The following CPNE2 variants were observed in gnomAD, a reference collection of about 807,000 sequenced individuals.
CPNE2 encodes copine 2, also known as copine-2.
CPNE2 carries 42 observed loss-of-function variants against 69.7 expected under a neutral mutation model. The ratio of observed to expected loss-of-function variants is 0.60; its 90% CI spans 0.47 to 0.78. CPNE2 has a LOEUF of 0.78. Among genes scored for constraint, CPNE2 ranks in the 30% least tolerant of loss-of-function variants. The pLI is 0.00. For missense variants in CPNE2, 587 were observed against 732.0 expected (o/e 0.80, Z 2.29); for synonymous variants, 294 against 289.8 (o/e 1.01, Z -0.15).
At chr16:57,129,256 T>C (rs1473687369) in intron 12 of CPNE2, 4 of 152,338 alleles carry the variant, frequency 2.6e-5, no homozygotes, top group Admixed American at 2.0e-4. Context: ...CATCAGCAGA[T>C]TGGCATTTCT....
intron 1 of CPNE2, among the ~76,000 whole-genome samples, chr16:57,098,215 G>A (rs1207836636): frequency 1.3e-5 from 2 of 152,216 alleles, no homozygotes; most frequent in South Asian, 2.1e-4. Context: ...CCCCAGGGGG[G>A]CCTCAGGGCC....
At chr16:57,131,915 C>T (rs2069841291) in intron 12 of CPNE2, among the ~76,000 whole-genome samples, 1 of 152,250 alleles carries the variant, frequency 6.6e-6, no homozygotes, top group African/African-American at 2.4e-5. Context: ...GAGCCATGCT[C>T]ACACTCACAT....
chr16:57,127,756 A>C, intron 11 of CPNE2, 93 bp from the exon 12 acceptor site: 1 of 1,236,048 alleles, frequency 8.1e-7, no homozygotes, highest in Non-Finnish European at 1.2e-6. Context: ...TGTCCTTGGA[A>C]GTGTATGAGG....
chr16:57,129,787 C>T lies in CPNE2; in HGVS notation c.1116+1884C>T, dbSNP rs112401340. Among the ~76,000 whole-genome samples the T allele has an allele frequency of 6.9e-4, 105 of 152,242 alleles. 2 individuals carry two copies. Among genetic ancestry groups the T allele is most frequent in the African/African-American group, 2.0e-3 (85 of 41,554 alleles). On this transcript the variant is annotated intron_variant, in intron 12 of 15. Coordinates refer to ENST00000290776, the MANE Select transcript of CPNE2 (RefSeq NM_152727.6). ...TGAGCCGAGATCGTGCCACTGCACT[C>T]CAGCCTGGGCAACAGAGTGAGACCC...
chr16:57,127,202 AG>A (rs2069806778), intron 11 of CPNE2, among the ~76,000 whole-genome samples: 1 of 152,210 alleles, frequency 6.6e-6, no homozygotes. Flanking sequence ...TACAGAGCGA[AG>A]GGGCCATTTT....
In CPNE2 at chr16:57,146,624, G is replaced by A. The variant is rs113552373; in HGVS notation, c.1539+303G>A. On this transcript the variant is annotated intron_variant, in intron 15 of 15. Transcript: ENST00000290776. The surrounding 1 kb of genome is among the most constrained non-coding windows in gnomAD (Gnocchi z 4.4). Reference sequence around the variant, plus strand: ...CCTGCCCTCTAGTGGGGTCTGATGAGAGGCTGGGGCTATCCATGTGGTGTA... The same window carrying A: ...CCTGCCCTCTAGTGGGGTCTGATGAAAGGCTGGGGCTATCCATGTGGTGTA... The A allele has an allele frequency of 0.038, 14,478 of 383,642 alleles. 388 individuals are homozygous for A. Among genetic ancestry groups the A allele is most frequent in the Middle Eastern group, 0.048 (64 of 1,342 alleles). The allele number at this position is 383,642 out of a possible 1,614,324, so 23.8% of individuals were successfully genotyped here.
At chr16:57,121,873 G>A in intron 9 of CPNE2, 113 bp downstream of exon 9, 1 of 961,572 alleles carries the variant, frequency 1.0e-6, no homozygotes, top group South Asian at 1.5e-5. Context: ...TCCCGGCTCT[G>A]CCACATCCTG....
At chr16:57,133,073 T>C (rs75100081) in intron 12 of CPNE2, among the ~76,000 whole-genome samples, 6,908 of 152,234 alleles carry the variant, frequency 0.045, 174 homozygotes, top group Middle Eastern at 0.12. Flanking sequence ...AAGGGAGTCC[T>C]GTTTCCCTGG....
chr16:57,128,479 A>G (rs1297121220), intron 12 of CPNE2, among the ~76,000 whole-genome samples: 2 of 152,172 alleles, frequency 1.3e-5, no homozygotes, highest in African/African-American at 4.8e-5. Context: ...CACCGGCCTC[A>G]GCCTCCCGAA....
At chr16:57,141,773 G>C (rs1272812923) in intron 14 of CPNE2, 2 of 152,224 alleles carry the variant, frequency 1.3e-5, no homozygotes, top group Admixed American at 6.5e-5. Context: ...GAACTAGATA[G>C]GCATAGAAAT....
In CPNE2 at chr16:57,146,014, TGAA is replaced by T; in HGVS notation, c.1303-69_1303-67del. 7.6e-7 allele frequency: 1 copy of T among 1,315,400 alleles called. No individual in the cohort carries two copies. The highest frequency in any genetic ancestry group is 1.3e-5 in the South Asian group (1 of 79,014). The allele number at this position is 1,315,400 out of a possible 1,614,324, so 81.5% of individuals were successfully genotyped here. ...CCTCCAGGACTCGGAGGGTTTGGGA[TGAA>T]GGAGGGAGGGAGAAGGGGTGCCAGA... is the stretch of plus-strand genomic sequence containing the variant. On this transcript the variant is annotated intron_variant, in intron 14 of 15. Transcript: ENST00000290776. This position sits in a 1 kb window ranked among gnomAD's most constrained non-coding sequence, Gnocchi z 4.4.
chr16:57,117,949 T>TTC (rs1381083013), intron 5 of CPNE2, among the ~76,000 whole-genome samples: 4 of 152,072 alleles, frequency 2.6e-5, no homozygotes, highest in African/African-American at 9.7e-5. Context: ...GTCCGTGAAT[T>TTC]AAACGAGGCA....
rs190911993 is a variant in CPNE2 at position 57,096,520 on chromosome 16, C to T, written c.-36+3730C>T. On this transcript the variant is annotated intron_variant, in intron 1 of 15. Coordinates refer to ENST00000290776, the MANE Select transcript of CPNE2 (RefSeq NM_152727.6). The stretch of plus-strand genomic sequence containing the variant: ...CAGCCTGGGCAACATGGCAAAAACC[C>T]GTCTTTACCAAAATAAAAAATAAAC... 8.5e-4 allele frequency among the ~76,000 whole-genome samples: 129 copies of T among 151,958 alleles called. No homozygotes were observed. In the Middle Eastern group the frequency reaches 0.01, roughly 12 times the overall value.
rs375518411 is a variant in CPNE2, at chr16:57,119,287, G to T, written c.591+9G>T. On this transcript the variant is annotated intron_variant, in intron 6 of 15. Transcript: ENST00000290776. ...TGGTCCACAGGACTGAGGTGGGTAC[G>T]TGGGGGCCCAGGGATCTCTAAGCAG... 1 of 1,613,592 alleles carries T rather than the reference G, an allele frequency of 6.2e-7. No individual in the cohort carries two copies. The highest frequency in any genetic ancestry group is 8.5e-7 in the Non-Finnish European group (1 of 1,179,590).
At chr16:57,106,027 T>G (rs560444287) in intron 1 of CPNE2, 1 of 152,672 alleles carries the variant, frequency 6.5e-6, no homozygotes, top group South Asian at 2.1e-4. Context: ...AAGCTGTAGT[T>G]TCTTTTTCCA....
rs544387166 is a variant in CPNE2, at chr16:57,132,610, A to G, written c.1117-2165A>G. Among the ~76,000 whole-genome samples the G allele has an allele frequency of 4.6e-5, 7 of 152,292 alleles. No homozygotes were observed. The East Asian group carries it at 5.8e-4, about 13-fold the overall frequency. On this transcript the variant is annotated intron_variant, in intron 12 of 15. Coordinates refer to ENST00000290776, the MANE Select transcript of CPNE2 (RefSeq NM_152727.6). ...GAAGGCAATAGGGAGTCCCAGGACA[A>G]AGGCCTGTGGCTGGCAGCCAGTCCC...
At chr16:57,137,357 C>T (rs1248074021) in intron 14 of CPNE2, 75 bp downstream of exon 14, 2 of 1,553,080 alleles carry the variant, frequency 1.3e-6, no homozygotes, top group African/African-American at 1.4e-5. Flanking sequence ...GATATTCTGC[C>T]TTCTCTTTGC....
At position 57,146,584 on chromosome 16, in the gene CPNE2, G is replaced by A. The variant is rs2069960385; in HGVS notation, c.1539+263G>A. ...GCATCTAGCCTGAGGCTCTGGGGCA[G>A]GGCTTCCTGGAGGACCTGCCCTCTA... On this transcript the variant is annotated intron_variant, in intron 15 of 15. Coordinates refer to ENST00000290776, the MANE Select transcript of CPNE2 (RefSeq NM_152727.6). This position sits in a 1 kb window ranked among gnomAD's most constrained non-coding sequence, Gnocchi z 4.4. 2.1e-6 allele frequency: 1 copy of A among 477,064 alleles called. No homozygotes were observed. Among genetic ancestry groups the A allele is most frequent in the Non-Finnish European group, 3.8e-6 (1 of 264,032 alleles). The allele number at this position is 477,064 out of a possible 1,614,324, so 29.6% of individuals were successfully genotyped here.
chr16:57,098,934 TG>T (rs1265759519), intron 1 of CPNE2, among the ~76,000 whole-genome samples: 1 of 152,194 alleles, frequency 6.6e-6, no homozygotes, highest in African/African-American at 2.4e-5. Flanking sequence ...CCTGGATTAT[TG>T]GTTTTGGTGT....
Sources: allele counts gnomAD v4.1 joint callset (sites outside exome capture counted in the v4.1 genomes callset), GRCh38; gene constraint gnomAD v4.1.1; non-coding constraint Gnocchi (gnomAD v3.1); transcripts MANE v1.5; gene names NCBI Gene and HGNC (gene_info 2026-07-23, HGNC 2026-07-21).